RNF145: variants seen among roughly 807,000 people sequenced by gnomAD.
RNF145 encodes the protein ring finger protein 145.
In RNF145, 12 loss-of-function variants were observed where a neutral mutation model predicts 57.3. The observed-to-expected ratio is 0.21, with a 90% CI of 0.13 to 0.34. The LOEUF is 0.34. RNF145 is among the 10% of genes least tolerant of loss of function. The pLI, the probability that RNF145 is intolerant of heterozygous loss-of-function variation, is 1.00. For synonymous variants in RNF145, 262 were observed against 288.3 expected (o/e 0.91, Z 0.92); for missense variants, 429 against 799.0 (o/e 0.54, Z 5.58).
intron 6 of RNF145, among the ~76,000 whole-genome samples, chr5:159,171,450 T>A (rs190575246): frequency 6.6e-6 from 1 of 152,140 alleles, no homozygotes; most frequent in Non-Finnish European, 1.5e-5. Context: ...CAGAGCACTT[T>A]CCTTTTCTCT....
intron 1 of RNF145, among the ~76,000 whole-genome samples, chr5:159,204,509 A>G (rs528576410): frequency 1.3e-5 from 2 of 152,258 alleles, no homozygotes; most frequent in South Asian, 2.1e-4. Context: ...AAAAAATATA[A>G]AATAGGGCAA....
At chr5:159,165,143 T>C (rs13165660) in intron 8 of RNF145, among the ~76,000 whole-genome samples, 21,430 of 152,220 alleles carry the variant, frequency 0.14, 1,682 homozygotes, top group Non-Finnish European at 0.19. Flanking sequence ...TTAACTATTG[T>C]CAATAATGTA....
At chr5:159,207,775 T>G (rs748778745) in intron 1 of RNF145, 24 of 1,614,062 alleles carry the variant, frequency 1.5e-5, no homozygotes, top group Non-Finnish European at 1.9e-5. Flanking sequence ...CATAAACTAC[T>G]AGCAATTCTG....
chr5:159,181,235 C>G (rs757352690), intron 4 of RNF145, among the ~76,000 whole-genome samples: 33 of 152,006 alleles, frequency 2.2e-4, no homozygotes, highest in Non-Finnish European at 4.0e-4. Flanking sequence ...AGCATTCCCC[C>G]CTTCACCACA....
At chr5:159,160,845 G>C (rs892828410) in intron 10 of RNF145, among the ~76,000 whole-genome samples, 4 of 152,112 alleles carry the variant, frequency 2.6e-5, no homozygotes, top group Non-Finnish European at 5.9e-5. Context: ...CTCTACCTAT[G>C]TTAGGTACAT....
chr5:159,207,090 A>G (rs1785914625), intron 1 of RNF145, among the ~76,000 whole-genome samples: 1 of 152,192 alleles, frequency 6.6e-6, no homozygotes, highest in African/African-American at 2.4e-5. Flanking sequence ...AATTATGAAA[A>G]CAGTAATGTC....
upstream of RNF145, chr5:159,209,980 G>A (rs186103568): frequency 2.8e-5 from 39 of 1,388,360 alleles, no homozygotes; most frequent in Admixed American, 7.5e-4. Flanking sequence ...TTGGCGTCTG[G>A]GATGGCTCAG....
chr5:159,158,815 T>C lies in RNF145; in HGVS notation c.1847A>G (p.His616Arg), dbSNP rs150115839. The C allele has an allele frequency of 3.1e-5, 50 of 1,613,996 alleles. No homozygotes were observed. The African/African-American group carries it at 6.0e-4, about 19-fold the overall frequency. ...QEGTEPPGQE[H>R]TPGTRIQEGS... ...TTCCTGTATCCTGGTCCCTGGAGTA[T>C]GCTCCTGGCCTGGGGGTTCAGTACC... The change falls in exon 11 of 11, where the codon CAT becomes CGT. Residue 616 changes from histidine (H) to arginine (R), a missense_variant. Physicochemically the swap from His to Arg is conservative, Grantham distance 29. Coordinates refer to ENST00000424310, the MANE Select transcript of RNF145 (RefSeq NM_001199383.2).
At chr5:159,197,536 T>C (rs898079441) in intron 2 of RNF145, among the ~76,000 whole-genome samples, 1 of 152,226 alleles carries the variant, frequency 6.6e-6, no homozygotes, top group African/African-American at 2.4e-5. Context: ...TAACAAAATA[T>C]TTGTGTAAGA....
chr5:159,193,140 T>C (rs906330277), intron 3 of RNF145, among the ~76,000 whole-genome samples: 1 of 152,180 alleles, frequency 6.6e-6, no homozygotes, highest in Admixed American at 6.5e-5. Context: ...GTTGTTTTCA[T>C]GAAGGAGTCT....
In RNF145 at chr5:159,158,516, T is replaced by C; in HGVS notation, c.*154A>G. On this transcript the variant is annotated 3_prime_UTR_variant, in exon 11 of 11. Transcript: ENST00000424310. ...CACAATGTCAGGGGATGAAAGCAGG[T>C]GGTCCCCACTGAGAGTACTTCCTGG... 1 of 898,458 alleles carries C rather than the reference T, an allele frequency of 1.1e-6. No homozygotes were observed. The highest frequency in any genetic ancestry group is 1.7e-6 in the Non-Finnish European group (1 of 596,926). 55.7% of individuals were successfully genotyped at this position (898,458 alleles called of 1,614,324 possible).
chr5:159,199,825 T>C (rs936440828), intron 2 of RNF145, among the ~76,000 whole-genome samples: 3 of 152,124 alleles, frequency 2.0e-5, no homozygotes, highest in Non-Finnish European at 2.9e-5. Flanking sequence ...TCCTTTCATA[T>C]CCTACACTCC....
intron 2 of RNF145, among the ~76,000 whole-genome samples, chr5:159,195,714 T>C (rs978323664): frequency 6.6e-6 from 1 of 152,206 alleles, no homozygotes; most frequent in Non-Finnish European, 1.5e-5. Flanking sequence ...TTTCTCTATA[T>C]ATAAAGTACC....
At chr5:159,190,738 C>T (rs980279979) in intron 3 of RNF145, among the ~76,000 whole-genome samples, 1 of 149,902 alleles carries the variant, frequency 6.7e-6, no homozygotes, top group Admixed American at 6.7e-5. Context: ...AAATCTGAAC[C>T]ATTATTTTTT....
chr5:159,168,430 C>G (rs1784451981), intron 8 of RNF145, among the ~76,000 whole-genome samples: 1 of 152,076 alleles, frequency 6.6e-6, no homozygotes, highest in South Asian at 2.1e-4. Context: ...TTATGATTAC[C>G]TGATAGCCTC....
At chr5:159,200,818 C>T (rs905281417) in intron 2 of RNF145, among the ~76,000 whole-genome samples, 3 of 152,178 alleles carry the variant, frequency 2.0e-5, no homozygotes, top group African/African-American at 7.2e-5. Context: ...TATAAACTGA[C>T]AACTCTCAGA....
intron 2 of RNF145, among the ~76,000 whole-genome samples, chr5:159,200,577 A>G (rs1272265315): frequency 1.3e-5 from 2 of 152,210 alleles, no homozygotes; most frequent in African/African-American, 4.8e-5. Context: ...AAATAGTAAG[A>G]TAAAATACAA....
At chr5:159,204,759 A>T (rs1257206021) in intron 1 of RNF145, among the ~76,000 whole-genome samples, 1 of 149,028 alleles carries the variant, frequency 6.7e-6, no homozygotes, top group Non-Finnish European at 1.5e-5. Context: ...AGCAGAGATC[A>T]CAATACTGCA....
intron 2 of RNF145, among the ~76,000 whole-genome samples, chr5:159,198,637 G>A (rs1785545235): frequency 6.6e-6 from 1 of 152,334 alleles, no homozygotes; most frequent in Non-Finnish European, 1.5e-5. Flanking sequence ...GACTTCTGAG[G>A]TGAGAAAAAG....
Sources: allele counts gnomAD v4.1 joint callset (sites outside exome capture counted in the v4.1 genomes callset), GRCh38; gene constraint gnomAD v4.1.1; transcripts MANE v1.5; gene names NCBI Gene and HGNC (gene_info 2026-07-23, HGNC 2026-07-21).